CELF2: variants seen among roughly 807,000 people sequenced by gnomAD.
CELF2 encodes the protein CUGBP Elav-like family member 2.
CELF2 carries 8 observed loss-of-function variants against 62.6 expected under a neutral mutation model. The ratio of observed to expected loss-of-function variants is 0.13; its 90% CI spans 0.07 to 0.23. The LOEUF (loss-of-function observed/expected upper bound fraction) is 0.23. Among genes scored for constraint, CELF2 ranks in the 10% least tolerant of loss-of-function variants. CELF2 has a pLI of 1.00. For missense variants in CELF2, 333 were observed against 671.0 expected, an observed-to-expected ratio of 0.50 and a Z score of 5.56; for synonymous variants, 258 against 250.0, an observed-to-expected ratio of 1.03 and a Z score of -0.30.
chr10:10,725,135 A>G, the CELF2 span, among the ~76,000 whole-genome samples: 1 of 152,196 alleles, frequency 6.6e-6, no homozygotes. Flanking sequence ...TATCAACTCT[A>G]ATTTCCCTAA....
chr10:10,874,164 TG>T (rs1360583048), intron 1 of CELF2, among the ~76,000 whole-genome samples: 3 of 152,138 alleles, frequency 2.0e-5, no homozygotes, highest in Non-Finnish European at 1.5e-5. Context: ...AAAATGTTTT[TG>T]TAAATTAGCC....
intron 1 of CELF2, among the ~76,000 whole-genome samples, chr10:11,100,764 G>A (rs12248765): frequency 0.29 from 43,580 of 151,918 alleles, 8,357 homozygotes; most frequent in East Asian, 0.74. Context: ...AACATTGCAA[G>A]CCCAATGAAC....
chr10:10,464,812 A>G, the CELF2 span, among the ~76,000 whole-genome samples: 5 of 152,202 alleles, frequency 3.3e-5, no homozygotes, highest in African/African-American at 1.2e-4. Context: ...AACATTGAAT[A>G]ACACTGAAAT....
At chr10:10,523,304 C>A in the CELF2 span, among the ~76,000 whole-genome samples, 3 of 152,196 alleles carry the variant, frequency 2.0e-5, no homozygotes, top group African/African-American at 7.2e-5. Flanking sequence ...ATACCTATAT[C>A]TTTCAATAGA....
intron 3 of CELF2, among the ~76,000 whole-genome samples, chr10:11,225,573 T>A (rs941968429): frequency 3.3e-5 from 5 of 152,218 alleles, no homozygotes; most frequent in Admixed American, 3.3e-4. Context: ...CCTTTGAGAT[T>A]GTCTGGGCAT....
At chr10:10,847,710 C>T (rs1242901940) in intron 1 of CELF2, among the ~76,000 whole-genome samples, 1 of 152,198 alleles carries the variant, frequency 6.6e-6, no homozygotes, top group Non-Finnish European at 1.5e-5. Flanking sequence ...AGCAGTGGCT[C>T]TCAGCTCTCA....
At chr10:11,241,036 G>A (rs897263850) in intron 3 of CELF2, among the ~76,000 whole-genome samples, 1 of 152,014 alleles carries the variant, frequency 6.6e-6, no homozygotes, top group Non-Finnish European at 1.5e-5. Context: ...CCGATTTCTG[G>A]GGCTCTTGTC....
chr10:11,052,561 G>A (rs1030251242), intron 1 of CELF2, among the ~76,000 whole-genome samples: 20 of 152,144 alleles, frequency 1.3e-4, no homozygotes, highest in East Asian at 7.7e-4. Flanking sequence ...AAGCAGTTCC[G>A]TATTGAAAAA....
At chr10:11,254,692 C>G (rs1315838154) in intron 4 of CELF2, among the ~76,000 whole-genome samples, 1 of 152,172 alleles carries the variant, frequency 6.6e-6, no homozygotes, top group Non-Finnish European at 1.5e-5. Context: ...AAACCAAGGA[C>G]TTGGTGGGAA....
At chr10:11,266,381 A>G (rs1490049907) in intron 5 of CELF2, among the ~76,000 whole-genome samples, 1 of 152,240 alleles carries the variant, frequency 6.6e-6, no homozygotes, top group Non-Finnish European at 1.5e-5. Context: ...ATAAATAAAT[A>G]AATCTTTCTG....
chr10:10,694,454 G>A, the CELF2 span, among the ~76,000 whole-genome samples: 2 of 152,098 alleles, frequency 1.3e-5, no homozygotes, highest in African/African-American at 4.8e-5. Flanking sequence ...TTTTGGAATT[G>A]GTGTGGCATG....
At chr10:11,131,226 G>A (rs1157522478) in intron 1 of CELF2, among the ~76,000 whole-genome samples, 1 of 152,246 alleles carries the variant, frequency 6.6e-6, no homozygotes, top group Non-Finnish European at 1.5e-5. Context: ...CAAGATGACA[G>A]TGGCCTTAAG....
At chr10:11,037,447 T>C (rs1302975458) in intron 1 of CELF2, among the ~76,000 whole-genome samples, 3 of 152,226 alleles carry the variant, frequency 2.0e-5, no homozygotes, top group Non-Finnish European at 2.9e-5. Context: ...AGGGGGAAGC[T>C]GTTTCTCAAC....
rs2093838476 is a variant in CELF2, at chr10:11,302,349, G to A, written c.977-11790G>A. Among the ~76,000 whole-genome samples the A allele has an allele frequency of 6.6e-6, 1 of 152,206 alleles. No individual in the cohort carries two copies. The highest frequency in any genetic ancestry group is 2.4e-5 in the African/African-American group (1 of 41,448). On this transcript the variant is annotated intron_variant, in intron 9 of 12. Transcript: ENST00000633077. The surrounding 1 kb of genome is among the most constrained non-coding windows in gnomAD (Gnocchi z 5.0). ...TTTGCATGCAAAAGCAGCGCCGAGG[G>A]CTGGTTCAACTCAGATGCCCAAGCC...
the CELF2 span, among the ~76,000 whole-genome samples, chr10:10,541,911 G>T: frequency 6.6e-6 from 1 of 152,198 alleles, no homozygotes; most frequent in Non-Finnish European, 1.5e-5. Flanking sequence ...TCAAGATGAA[G>T]TTGCTCTGGT....
At chr10:10,468,938 T>A in the CELF2 span, among the ~76,000 whole-genome samples, 1 of 151,982 alleles carries the variant, frequency 6.6e-6, no homozygotes, top group African/African-American at 2.4e-5. Context: ...TCATCTTGTA[T>A]CCTTTGTATG....
At chr10:10,690,043 T>C in the CELF2 span, among the ~76,000 whole-genome samples, 8 of 152,234 alleles carry the variant, frequency 5.3e-5, no homozygotes, top group Admixed American at 1.3e-4. Context: ...GAACATAAGC[T>C]ATAATGTCCA....
intron 1 of CELF2, among the ~76,000 whole-genome samples, chr10:10,909,857 G>C (rs1009838653): frequency 6.6e-6 from 1 of 152,144 alleles, no homozygotes; most frequent in African/African-American, 2.4e-5. Context: ...TCATGAAAGA[G>C]GGGGCTCATG....
At chr10:10,890,668 G>T (rs190265203) in intron 1 of CELF2, among the ~76,000 whole-genome samples, 1 of 152,156 alleles carries the variant, frequency 6.6e-6, no homozygotes, top group Non-Finnish European at 1.5e-5. Flanking sequence ...ACATCCATGC[G>T]CAAAGTGTTT....
Sources: gnomAD v4.1 joint callset for allele counts (sites outside exome capture counted in the v4.1 genomes callset) on GRCh38, gnomAD v4.1.1 for gene constraint, Gnocchi (gnomAD v3.1) non-coding constraint, MANE v1.5 for transcripts, NCBI Gene and HGNC (gene_info 2026-07-23, HGNC 2026-07-21) for gene names.